The following ROBO2 variants were observed in gnomAD, a reference collection of about 807,000 sequenced individuals.
ROBO2 encodes roundabout homolog 2.
Under a neutral mutation model 160.8 loss-of-function variants are expected in ROBO2, and 53 were observed. That is an observed-to-expected ratio of 0.33 (90% CI 0.26 to 0.41). The LOEUF (loss-of-function observed/expected upper bound fraction) is 0.41, where lower values mean the gene tolerates loss of function less well. Among genes scored for constraint, ROBO2 ranks in the 10% least tolerant of loss-of-function variants. ROBO2 has a pLI of 1.00. For missense variants in ROBO2, 1,577 were observed against 1,722.4 expected (o/e 0.92, Z 1.49); for synonymous variants, 664 against 611.7 (o/e 1.09, Z -1.26).
chr3:76,197,740 G>T (rs535305542), intron 2 of ROBO2, among the ~76,000 whole-genome samples: 1 of 152,134 alleles, frequency 6.6e-6, no homozygotes, highest in African/African-American at 2.4e-5. Flanking sequence ...TTAACTGGCC[G>T]AAGTCATGTA....
intron 2 of ROBO2, among the ~76,000 whole-genome samples, chr3:76,496,795 A>G (rs1429426673): frequency 6.6e-6 from 1 of 152,180 alleles, no homozygotes; most frequent in Non-Finnish European, 1.5e-5. Context: ...TTTTCCAGAT[A>G]TGTCCAGAAT....
At position 77,231,430 on chromosome 3, in the gene ROBO2, T is replaced by C. The variant is rs1479261679; in HGVS notation, c.388+133090T>C. Among the ~76,000 whole-genome samples, 3 of 151,262 alleles carry C rather than the reference T, an allele frequency of 2.0e-5. No individual in the cohort carries two copies. In the East Asian group the frequency reaches 5.8e-4, roughly 29 times the overall value. On this transcript the variant is annotated intron_variant, in intron 2 of 25. Transcript: ENST00000461745. The stretch of plus-strand genomic sequence containing the variant: ...CTAAGCTAAAATAAAAGCCTCATAT[T>C]ATCTTAAAAAGTGGGGAAGGATACA...
At chr3:76,914,146 G>T (rs2076169594) in intron 2 of ROBO2, among the ~76,000 whole-genome samples, 3 of 152,172 alleles carry the variant, frequency 2.0e-5, no homozygotes, top group Admixed American at 2.0e-4. Context: ...TGTACTGGGA[G>T]TTAGTAACAA....
chr3:77,038,561 A>G (rs1454546549), upstream of ROBO2, among the ~76,000 whole-genome samples: 2 of 152,052 alleles, frequency 1.3e-5, no homozygotes, highest in East Asian at 3.9e-4. Flanking sequence ...ACCTTTCCTA[A>G]TATTTTCCAG....
intron 2 of ROBO2, among the ~76,000 whole-genome samples, chr3:77,435,789 A>G (rs1041021472): frequency 6.6e-6 from 1 of 151,784 alleles, no homozygotes; most frequent in African/African-American, 2.4e-5. Flanking sequence ...GAAACAGGGT[A>G]TCCAAGATTA....
intron 2 of ROBO2, among the ~76,000 whole-genome samples, chr3:76,239,812 C>T (rs1337227478): frequency 1.3e-5 from 2 of 152,162 alleles, no homozygotes; most frequent in African/African-American, 4.8e-5. Context: ...TGGAGCCTAA[C>T]TGGCTCCTGT....
intron 2 of ROBO2, among the ~76,000 whole-genome samples, chr3:76,253,615 A>G (rs1263573730): frequency 6.7e-6 from 1 of 150,040 alleles, no homozygotes; most frequent in Non-Finnish European, 1.5e-5. Flanking sequence ...CATAATTTAC[A>G]GCCACTAAGA....
chr3:77,625,266 CCT>C (rs796251607), intron 23 of ROBO2, among the ~76,000 whole-genome samples: 56 of 152,252 alleles, frequency 3.7e-4, no homozygotes, highest in African/African-American at 1.2e-3. Context: ...ACAACAAACA[CCT>C]ATCGAATGCC....
At chr3:77,595,145 C>A in exon 18 of ROBO2, 1 of 1,610,312 alleles carries the variant, frequency 6.2e-7, no homozygotes, top group Non-Finnish European at 8.5e-7. Context: ...TTCATAGTTA[C>A]GTTTCAAAGA....
chr3:76,890,335 C>T (rs2074252632), intron 2 of ROBO2, among the ~76,000 whole-genome samples: 1 of 152,168 alleles, frequency 6.6e-6, no homozygotes, highest in Admixed American at 6.6e-5. Context: ...GTAAATTACA[C>T]AGTGAAGATT....
chr3:76,988,909 C>T (rs537248148), intron 2 of ROBO2, among the ~76,000 whole-genome samples: 1 of 152,232 alleles, frequency 6.6e-6, no homozygotes, highest in Non-Finnish European at 1.5e-5. Context: ...CAAAGAGAAG[C>T]TTCAAATTGT....
intron 2 of ROBO2, among the ~76,000 whole-genome samples, chr3:76,420,051 A>G (rs1004271188): frequency 6.6e-6 from 1 of 152,186 alleles, no homozygotes; most frequent in African/African-American, 2.4e-5. Context: ...GTAATATGAT[A>G]ATTGCTTAAG....
chr3:76,353,980 G>C (rs965320279), intron 2 of ROBO2, among the ~76,000 whole-genome samples: 1 of 151,874 alleles, frequency 6.6e-6, no homozygotes, highest in African/African-American at 2.4e-5. Flanking sequence ...ACGAAGAACA[G>C]TTAACTAAAA....
At chr3:75,917,386 C>A (rs1316436004) in intron 1 of ROBO2, among the ~76,000 whole-genome samples, 1 of 152,178 alleles carries the variant, frequency 6.6e-6, no homozygotes, top group Non-Finnish European at 1.5e-5. Flanking sequence ...TTTATGGCTG[C>A]ATAGTATTCC....
At chr3:77,414,365 A>T (rs188781456) in intron 2 of ROBO2, among the ~76,000 whole-genome samples, 3 of 152,348 alleles carry the variant, frequency 2.0e-5, no homozygotes, top group Admixed American at 2.0e-4. Flanking sequence ...GAGACTGTGG[A>T]GATAGCAGGT....
intron 2 of ROBO2, among the ~76,000 whole-genome samples, chr3:76,697,666 A>G (rs1459517602): frequency 1.4e-5 from 2 of 141,774 alleles, no homozygotes; most frequent in African/African-American, 5.0e-5. Context: ...AAAAATTTAC[A>G]TTATAGTAGA....
intron 2 of ROBO2, among the ~76,000 whole-genome samples, chr3:76,225,670 C>T (rs745455210): frequency 1.3e-5 from 2 of 152,030 alleles, no homozygotes; most frequent in Non-Finnish European, 2.9e-5. Context: ...GCCAAGATCG[C>T]ACCACTGCAC....
chr3:77,024,033 T>C (rs749107004), intron 2 of ROBO2, among the ~76,000 whole-genome samples: 1 of 152,180 alleles, frequency 6.6e-6, no homozygotes, highest in Non-Finnish European at 1.5e-5. Context: ...GGTCTAATAA[T>C]TCATATTTTT....
intron 12 of ROBO2, 119 bp downstream of exon 13, chr3:77,565,239 G>A: frequency 8.7e-7 from 1 of 1,143,640 alleles, no homozygotes; most frequent in Admixed American, 1.7e-5. Context: ...TGGCTCACTA[G>A]GCTTTATCCA....
Sources: gnomAD v4.1 joint callset for allele counts (sites outside exome capture counted in the v4.1 genomes callset) on GRCh38, gnomAD v4.1.1 for gene constraint, MANE v1.5 for transcripts, NCBI Gene and HGNC (gene_info 2026-07-23, HGNC 2026-07-21) for gene names.